GLI3: variants seen among roughly 807,000 people sequenced by gnomAD.
GLI3 encodes the protein GLI family zinc finger 3, also known as transcription activator GLI3.
In GLI3, 20 loss-of-function variants were observed where a neutral mutation model predicts 100.8. That is an observed-to-expected ratio of 0.20 (90% confidence interval 0.14 to 0.29). GLI3 has a LOEUF of 0.29. Ranked by LOEUF, GLI3 falls within the 10% of genes least tolerant of loss-of-function variation. The probability of loss-of-function intolerance (pLI) is 1.00; values close to 1 mark genes in which losing one functional copy is unlikely to be tolerated. For synonymous variants in GLI3, 938 were observed against 860.5 expected (o/e 1.09, Z -1.58); for missense variants, 2,040 against 2,128.5 (o/e 0.96, Z 0.82).
intron 1 of GLI3, among the ~76,000 whole-genome samples, chr7:42,246,052 C>T (rs1788967667): frequency 6.6e-6 from 1 of 152,116 alleles, no homozygotes; most frequent in Non-Finnish European, 1.5e-5. Context: ...GGTTGAATTG[C>T]CTTGGACAGA....
Position 41,965,867 on chromosome 7 carries a change from A to G in GLI3, c.3206T>C (p.Ile1069Thr). 1 of 1,613,292 alleles carries G rather than the reference A, an allele frequency of 6.2e-7. No homozygotes were observed. Among genetic ancestry groups the G allele is most frequent in the Non-Finnish European group, 8.5e-7 (1 of 1,179,794 alleles). The change falls in exon 15 of 15, where the codon ATC becomes ACC. Residue 1069 changes from isoleucine to threonine, a missense_variant. This residue lies in a region of GLI3 where 1,041 missense variants were observed against 924.0 expected (regional missense o/e 1.13). Transcript: ENST00000395925. The part of the protein sequence containing the change: ...NFHSSPCPPS[I>T]TENVTLESLT... Reference sequence around the variant, plus strand: ...GGACTCCAGGGTGACGTTCTCGGTGATGCTGGGAGGACAGGGGGACGAGTG... The same window carrying G: ...GGACTCCAGGGTGACGTTCTCGGTGGTGCTGGGAGGACAGGGGGACGAGTG...
Position 42,123,881 on chromosome 7 carries a change from G to C in GLI3, c.367+24345C>G, listed in dbSNP as rs978937878. The stretch of plus-strand genomic sequence containing the variant: ...TTAAAAACACAGAACCTAAGATCCA[G>C]TTCTCAGGAATTCTGATTCAGGAGT... On this transcript the variant is annotated intron_variant, in intron 3 of 14. Coordinates refer to ENST00000395925, the MANE Select transcript of GLI3 (RefSeq NM_000168.6). Among the ~76,000 whole-genome samples the C allele has an allele frequency of 2.0e-5, 3 of 152,178 alleles. No homozygotes were observed. In the East Asian group the frequency reaches 5.8e-4, roughly 29 times the overall value.
chr7:42,032,468 TG>T (rs1217398768), intron 7 of GLI3, among the ~76,000 whole-genome samples: 2 of 152,200 alleles, frequency 1.3e-5, no homozygotes, highest in Non-Finnish European at 2.9e-5. Context: ...GAGTTCATAT[TG>T]TAGAAAATCA....
chr7:42,028,376 T>C (rs1789183528), intron 7 of GLI3, among the ~76,000 whole-genome samples: 1 of 152,076 alleles, frequency 6.6e-6, no homozygotes, highest in Admixed American at 6.6e-5. Flanking sequence ...CAGTACTTAA[T>C]TAAAAATAGA....
Position 41,966,648 on chromosome 7 carries a change from A to G in GLI3, c.2432-7T>C. The G allele has an allele frequency of 6.2e-7, 1 of 1,613,944 alleles. No homozygotes were observed. Among genetic ancestry groups the G allele is most frequent in the Non-Finnish European group, 8.5e-7 (1 of 1,179,968 alleles). On this transcript the variant is annotated splice_region_variant and splice_polypyrimidine_tract_variant and intron_variant, in intron 14 of 14. Transcript: ENST00000395925. This position sits in a 1 kb window ranked among gnomAD's most constrained non-coding sequence, Gnocchi z 5.8. ...GTGTTGTTGGACTGTGTGCCTGGAGACAGAGAAAGGGAGAGACCATGCGGA... is the reference window on the plus strand; with the variant it reads ...GTGTTGTTGGACTGTGTGCCTGGAGGCAGAGAAAGGGAGAGACCATGCGGA...
At chr7:42,060,141 C>T (rs1333608481) in intron 4 of GLI3, among the ~76,000 whole-genome samples, 4 of 152,200 alleles carry the variant, frequency 2.6e-5, no homozygotes, top group Non-Finnish European at 2.9e-5. Flanking sequence ...AAGCATGTAG[C>T]CTGGTGACTG....
At chr7:41,981,078 C>T (rs1032949612) in intron 10 of GLI3, among the ~76,000 whole-genome samples, 4 of 152,104 alleles carry the variant, frequency 2.6e-5, no homozygotes, top group Non-Finnish European at 5.9e-5. Flanking sequence ...ATCAGGTGTG[C>T]AGGGAAGGAT....
intron 1 of GLI3, among the ~76,000 whole-genome samples, chr7:42,262,997 G>A (rs1432696098): frequency 5.3e-5 from 8 of 151,626 alleles, no homozygotes; most frequent in South Asian, 2.1e-4. Context: ...GGTCTTTGGC[G>A]AGAGCTATGG....
At chr7:41,971,230 T>G (rs1787356185) in intron 13 of GLI3, among the ~76,000 whole-genome samples, 1 of 152,232 alleles carries the variant, frequency 6.6e-6, no homozygotes, top group African/African-American at 2.4e-5. Flanking sequence ...TCCGATAGAC[T>G]GCTCTAATTT....
chr7:42,197,767 G>A (rs1787957726), intron 2 of GLI3, among the ~76,000 whole-genome samples: 1 of 152,192 alleles, frequency 6.6e-6, no homozygotes, highest in Non-Finnish European at 1.5e-5. Context: ...CTCATGCATT[G>A]AGACTGAAAC....
intron 3 of GLI3, among the ~76,000 whole-genome samples, chr7:42,138,647 C>T (rs919590883): frequency 1.3e-5 from 2 of 152,126 alleles, no homozygotes; most frequent in African/African-American, 4.8e-5. Context: ...GAAATCTTGC[C>T]CCATTTGAAA....
chr7:42,170,472 C>G (rs1370211938), intron 2 of GLI3, among the ~76,000 whole-genome samples: 2 of 146,164 alleles, frequency 1.4e-5, no homozygotes, highest in Non-Finnish European at 3.0e-5. Context: ...GCACAATCTC[C>G]GCTCACTGCA....
rs1317637777 is a variant in GLI3, at chr7:41,965,024, G to C, written c.4049C>G (p.Ala1350Gly). ...PGQQMLGQIS[A>G]TSHINIYQGP... ...TTGGTAGATGTTGATGTGTGAGGTA[G>C]CACTAATCTGCCCAAGCATCTGCTG... The change falls in exon 15 of 15, where the codon GCT (alanine) becomes GGT (glycine). Residue 1350 changes from alanine to glycine, a missense_variant. By Grantham distance (60) the Ala-to-Gly change is moderately conservative (BLOSUM62 0). Transcript: ENST00000395925. 1.9e-6 allele frequency: 3 copies of C among 1,613,736 alleles called. No individual in the cohort carries two copies. Among genetic ancestry groups the C allele is most frequent in the African/African-American group, 1.3e-5 (1 of 74,928 alleles).
intron 3 of GLI3, among the ~76,000 whole-genome samples, chr7:42,091,596 G>A (rs779585561): frequency 7.9e-5 from 12 of 152,198 alleles, no homozygotes; most frequent in Admixed American, 2.0e-4. Flanking sequence ...TGTTTAGACC[G>A]AACACAGCAG....
intron 7 of GLI3, 41 bp from the exon 8 acceptor site, chr7:42,026,453 G>A (rs760626511): frequency 1.3e-5 from 19 of 1,424,238 alleles, no homozygotes; most frequent in African/African-American, 4.2e-5. Flanking sequence ...TCACTTAAAC[G>A]CTGAGCTCAG....
At chr7:41,992,648 C>T (rs375749689) in intron 10 of GLI3, among the ~76,000 whole-genome samples, 10 of 151,978 alleles carry the variant, frequency 6.6e-5, no homozygotes, top group South Asian at 4.2e-4. Flanking sequence ...ATGACGAGAC[C>T]GGTATTTTAA....
chr7:42,052,145 A>C (rs1487955464), intron 4 of GLI3, among the ~76,000 whole-genome samples: 2 of 152,164 alleles, frequency 1.3e-5, no homozygotes, highest in Non-Finnish European at 2.9e-5. Flanking sequence ...ATTTTTTCAA[A>C]GTTCATTTCC....
intron 3 of GLI3, among the ~76,000 whole-genome samples, chr7:42,116,232 A>G (rs1262368212): frequency 6.6e-6 from 1 of 152,142 alleles, no homozygotes; most frequent in Non-Finnish European, 1.5e-5. Flanking sequence ...ACAGCTCCCT[A>G]TTTAAGTGCT....
At chr7:42,240,926 C>T (rs568195183), upstream of GLI3, among the ~76,000 whole-genome samples, 13 of 152,316 alleles carry the variant, frequency 8.5e-5, no homozygotes, top group Non-Finnish European at 1.6e-4. Flanking sequence ...CTTTTCTCCC[C>T]TCACTTACCA....
Sources: allele counts gnomAD v4.1 joint callset (sites outside exome capture counted in the v4.1 genomes callset), GRCh38; gene constraint gnomAD v4.1.1; regional missense constraint gnomAD v4.1.1; non-coding constraint Gnocchi (gnomAD v3.1); transcripts MANE v1.5; gene names NCBI Gene and HGNC (gene_info 2026-07-23, HGNC 2026-07-21).